Variants in CCDC13 observed in about 807,000 individuals in gnomAD.
CCDC13 encodes coiled-coil domain-containing protein 13.
Under a neutral mutation model 87.3 loss-of-function variants are expected in CCDC13, and 70 were observed. The ratio of observed to expected loss-of-function variants is 0.80; its 90% CI spans 0.66 to 0.98. The LOEUF (loss-of-function observed/expected upper bound fraction) is 0.98. Ranked by LOEUF, CCDC13 falls within the 50% of genes least tolerant of loss-of-function variation. The probability of loss-of-function intolerance (pLI) is 0.00; values close to 1 mark genes in which losing one functional copy is unlikely to be tolerated. For synonymous variants in CCDC13, 317 were observed against 360.3 expected (o/e 0.88, Z 1.36); for missense variants, 842 against 892.0 (o/e 0.94, Z 0.71).
rs1345079631 is a variant in CCDC13 at position 42,713,238 on chromosome 3, C to T, written c.1797G>A (p.Glu599=). ...CCAGGCGTATCTTCTCCAGATGTTG[C>T]TCCAGCACCACGGTGCGGTGTCGCT... ...QEERHRTVVL[E]QHLEKIRLEP... is the part of the protein sequence containing the mutation. Residue 599 remains glutamate, a synonymous_variant, in exon 14 of 16, where the codon GAG becomes GAA. Transcript: ENST00000310232. 1 of 1,614,214 alleles carries T rather than the reference C, an allele frequency of 6.2e-7. No individual in the cohort carries two copies.
chr3:42,739,446 C>A (rs1272118608), intron 9 of CCDC13, among the ~76,000 whole-genome samples, 188 bp downstream of exon 9: 1 of 152,230 alleles, frequency 6.6e-6, no homozygotes, highest in Non-Finnish European at 1.5e-5. Context: ...TGCCCTCAGG[C>A]AGCCTCCCTG....
At chr3:42,720,531 G>A (rs944170025) in intron 13 of CCDC13, among the ~76,000 whole-genome samples, 5 of 152,212 alleles carry the variant, frequency 3.3e-5, no homozygotes, top group Non-Finnish European at 5.9e-5. Context: ...AGTTAACACT[G>A]TAACATGTAA....
At chr3:42,761,403 C>T (rs1374793287) in intron 1 of CCDC13, among the ~76,000 whole-genome samples, 2 of 152,220 alleles carry the variant, frequency 1.3e-5, no homozygotes, top group African/African-American at 2.4e-5. Flanking sequence ...CCTGCCCTCG[C>T]TCCCCATGCC....
intron 1 of CCDC13, among the ~76,000 whole-genome samples, chr3:42,763,285 G>A (rs913158529): frequency 6.3e-4 from 96 of 152,292 alleles, no homozygotes; most frequent in African/African-American, 2.0e-3. Flanking sequence ...AGTTTACTAC[G>A]TACAGAGAAA....
chr3:42,735,679 G>C, intron 10 of CCDC13, 28 bp downstream of exon 10: 1 of 1,608,610 alleles, frequency 6.2e-7, no homozygotes. Flanking sequence ...TTGAAAATGG[G>C]TTTGGGCGCT....
chr3:42,739,938 C>T, intron 8 of CCDC13, 128 bp from the exon 9 acceptor site: 2 of 834,590 alleles, frequency 2.4e-6, no homozygotes, highest in South Asian at 3.4e-5. Context: ...TGCCACAGAG[C>T]AAGTCACTAG....
At chr3:42,745,879 T>C in intron 7 of CCDC13, 44 bp downstream of exon 7, 2 of 1,528,478 alleles carry the variant, frequency 1.3e-6, no homozygotes, top group Non-Finnish European at 1.8e-6. Flanking sequence ...TGGGGTGTTT[T>C]AAATCCTTTG....
intron 7 of CCDC13, among the ~76,000 whole-genome samples, chr3:42,744,252 A>C (rs1479895410): frequency 6.6e-6 from 1 of 152,196 alleles, no homozygotes; most frequent in East Asian, 1.9e-4. Context: ...ATGTCATCCC[A>C]CAGAACAATG....
chr3:42,749,066 T>C (rs2125902162), intron 5 of CCDC13, among the ~76,000 whole-genome samples: 1 of 152,284 alleles, frequency 6.6e-6, no homozygotes, highest in East Asian at 1.9e-4. Flanking sequence ...GCCATCCTTT[T>C]TTTTAAAGTA....
At chr3:42,731,830 C>T (rs1009102736) in intron 12 of CCDC13, among the ~76,000 whole-genome samples, 2 of 152,182 alleles carry the variant, frequency 1.3e-5, no homozygotes, top group East Asian at 3.9e-4. Flanking sequence ...GGACTGTAAG[C>T]TCCATGAGGG....
At chr3:42,735,642 G>C in intron 10 of CCDC13, 65 bp downstream of exon 10, 1 of 1,523,690 alleles carries the variant, frequency 6.6e-7, no homozygotes, top group Non-Finnish European at 9.0e-7. Context: ...GGAAAGAAGT[G>C]GAAGGAGCTG....
intron 14 of CCDC13, among the ~76,000 whole-genome samples, chr3:42,711,838 T>C (rs1009750300): frequency 2.0e-5 from 3 of 152,198 alleles, no homozygotes; most frequent in Non-Finnish European, 2.9e-5. Flanking sequence ...ACCTGGACAC[T>C]TTCCCTCAGG....
intron 1 of CCDC13, among the ~76,000 whole-genome samples, chr3:42,772,145 G>A (rs570697000): frequency 1.3e-5 from 2 of 151,506 alleles, no homozygotes; most frequent in East Asian, 1.9e-4. Flanking sequence ...GGTGGCGGGC[G>A]CCTGTAATCC....
Position 42,739,757 on chromosome 3 carries a change from C to CT in CCDC13, c.1040dup (p.Lys348GlufsTer15), listed in dbSNP as rs1175736292. 2 of 1,614,186 alleles carry CT rather than the reference C, an allele frequency of 1.2e-6. No individual in the cohort carries two copies. The highest frequency in any genetic ancestry group is 3.3e-5 in the Admixed American group (2 of 60,022). On this transcript the variant is annotated frameshift_variant, in exon 9 of 16. Coordinates refer to ENST00000310232, the MANE Select transcript of CCDC13 (RefSeq NM_144719.4). LOFTEE classifies it high-confidence loss of function. ...TCCGAGACCTCATGCCCTCGAACTT[C>CT]TTTTTTAGCTCTTCAAGCTCTCTCT...
At chr3:42,728,901 T>C (rs1698753446) in intron 13 of CCDC13, among the ~76,000 whole-genome samples, 1 of 150,868 alleles carries the variant, frequency 6.6e-6, no homozygotes, top group Admixed American at 6.6e-5. Flanking sequence ...CTCTTTACAT[T>C]TCATACCCCA....
intron 3 of CCDC13, among the ~76,000 whole-genome samples, chr3:42,753,493 G>GTGA: frequency 6.6e-6 from 1 of 152,178 alleles, no homozygotes; most frequent in Admixed American, 6.5e-5. Flanking sequence ...GGATTCAGTG[G>GTGA]TGGATAAAAA....
chr3:42,724,318 T>C (rs1388269886), intron 13 of CCDC13, among the ~76,000 whole-genome samples: 1 of 152,230 alleles, frequency 6.6e-6, no homozygotes, highest in Non-Finnish European at 1.5e-5. Flanking sequence ...GGGGTCACCC[T>C]TGCCTTCTCT....
intron 8 of CCDC13, among the ~76,000 whole-genome samples, chr3:42,740,335 C>A (rs1256402193): frequency 6.6e-6 from 1 of 152,220 alleles, no homozygotes; most frequent in Non-Finnish European, 1.5e-5. Context: ...CAGCTACCAA[C>A]TGGAAACTCA....
intron 7 of CCDC13, 139 bp downstream of exon 7, chr3:42,745,784 C>T (rs903319083): frequency 8.7e-5 from 50 of 574,092 alleles, no homozygotes; most frequent in Non-Finnish European, 2.5e-5. Flanking sequence ...AAAACAACAA[C>T]CCCGCACGAG....
Sources: gnomAD v4.1 joint callset for allele counts (sites outside exome capture counted in the v4.1 genomes callset) on GRCh38, gnomAD v4.1.1 for gene constraint, MANE v1.5 for transcripts, NCBI Gene and HGNC (gene_info 2026-07-23, HGNC 2026-07-21) for gene names.